Variants in AGAP3 observed in about 807,000 individuals in gnomAD.
The protein encoded by AGAP3 is ArfGAP with GTPase domain, ankyrin repeat and PH domain 3.
In AGAP3, 24 loss-of-function variants were observed where a neutral mutation model predicts 96.9. The observed-to-expected ratio is 0.25, with a 90% CI of 0.18 to 0.35. The LOEUF is 0.35. Among genes scored for constraint, AGAP3 ranks in the 10% least tolerant of loss-of-function variants. The pLI, the probability that AGAP3 is intolerant of heterozygous loss-of-function variation, is 1.00. For synonymous variants in AGAP3, 563 were observed against 536.1 expected (o/e 1.05, Z -0.69); for missense variants, 876 against 1,254.2 (o/e 0.70, Z 4.55).
intron 1 of AGAP3, among the ~76,000 whole-genome samples, chr7:151,094,908 T>C (rs1798539015): frequency 6.6e-6 from 1 of 151,664 alleles, no homozygotes; most frequent in African/African-American, 2.4e-5. Context: ...AGAATATTGG[T>C]CTGTCACCCA....
chr7:151,116,733 G>A, intron 1 of AGAP3, 60 bp from the exon 2 acceptor site: 2 of 1,594,998 alleles, frequency 1.3e-6, no homozygotes, highest in African/African-American at 1.3e-5. Context: ...ACAGGCAGCA[G>A]TGGTTGGGAC....
chr7:151,123,562 G>A (rs942551856), intron 8 of AGAP3: 13 of 1,352,232 alleles, frequency 9.6e-6, no homozygotes, highest in Non-Finnish European at 1.2e-5. Context: ...TTGCTCTTTT[G>A]TAAGGGGCGG....
chr7:151,087,640 C>T (rs1207467196), intron 1 of AGAP3, among the ~76,000 whole-genome samples: 2 of 152,296 alleles, frequency 1.3e-5, no homozygotes, highest in African/African-American at 4.8e-5. Context: ...GAGGCGCCGG[C>T]AGGTCCATCC....
intron 1 of AGAP3, among the ~76,000 whole-genome samples, chr7:151,093,348 T>C (rs1798473688): frequency 6.6e-6 from 1 of 152,188 alleles, no homozygotes; most frequent in South Asian, 2.1e-4. Flanking sequence ...GCTATGTTGT[T>C]TGGCCTGGTC....
intron 1 of AGAP3, among the ~76,000 whole-genome samples, chr7:151,094,850 T>A (rs1327607080): frequency 6.8e-6 from 1 of 147,362 alleles, no homozygotes; most frequent in Non-Finnish European, 1.5e-5. Flanking sequence ...TCCTTCCCTC[T>A]GTCCCTCCCT....
chr7:151,128,810 C>T, intron 10 of AGAP3, 126 bp downstream of exon 10: 1 of 811,664 alleles, frequency 1.2e-6, no homozygotes, highest in Non-Finnish European at 2.0e-6. Flanking sequence ...TCAAATGGCT[C>T]ATCCCTGGAG....
At chr7:151,095,538 AC>A (rs1252341273) in intron 1 of AGAP3, among the ~76,000 whole-genome samples, 5 of 151,806 alleles carry the variant, frequency 3.3e-5, no homozygotes, top group Admixed American at 1.3e-4. Context: ...CAGAGGGAGG[AC>A]CGAAAAGTCT....
chr7:151,099,682 G>A (rs922735798), intron 1 of AGAP3, among the ~76,000 whole-genome samples: 3 of 152,298 alleles, frequency 2.0e-5, no homozygotes, highest in East Asian at 1.9e-4. Context: ...GCCGCTGGCC[G>A]CTGTCAGTCA....
chr7:151,143,954 G>T lies in AGAP3; in HGVS notation c.*11G>T. The T allele has an allele frequency of 1.2e-6, 2 of 1,612,350 alleles. No individual in the cohort carries two copies. Among genetic ancestry groups the T allele is most frequent in the Non-Finnish European group, 1.7e-6 (2 of 1,178,742 alleles). On this transcript the variant is annotated 3_prime_UTR_variant, in exon 18 of 18. Transcript: ENST00000397238. The surrounding 1 kb of genome is among the most constrained non-coding windows in gnomAD (Gnocchi z 5.9). The stretch of plus-strand genomic sequence containing the variant: ...CCTAGCCTCCTATAAGGCCCAGGAA[G>T]AGGGCAGAGGGGCCAGAAGGACTCC...
Position 151,086,870 on chromosome 7 carries a change from C to T in AGAP3, c.129C>T (p.Ala43=), listed in dbSNP as rs777147483. 8.3e-7 allele frequency: 1 copy of T among 1,202,558 alleles called. No individual in the cohort carries two copies. Among genetic ancestry groups the T allele is most frequent in the South Asian group, 3.2e-5 (1 of 30,786 alleles). 74.5% of individuals were successfully genotyped at this position (1,202,558 alleles called of 1,614,324 possible). ...GGQFGGAGPG[A]GGGGGPSQQL... is the part of the protein sequence containing the mutation. ...AGTTCGGCGGCGCGGGGCCCGGGGC[C>T]GGGGGCGGCGGCGGCCCCTCGCAGC... The change falls in exon 1 of 18, where the codon GCC becomes GCT. Residue 43 remains alanine (A), a synonymous_variant. Transcript: ENST00000397238.
At position 151,120,550 on chromosome 7, in the gene AGAP3, C is replaced by T. The variant is rs1351234763; in HGVS notation, c.1128+405C>T. The T allele has an allele frequency of 7.0e-6, 8 of 1,145,504 alleles. No individual in the cohort carries two copies. In the Admixed American group the frequency reaches 1.1e-4, roughly 16 times the overall value. 71.0% of individuals were successfully genotyped at this position (1,145,504 alleles called of 1,614,324 possible). On this transcript the variant is annotated intron_variant, in intron 8 of 17. Coordinates refer to ENST00000397238, the MANE Select transcript of AGAP3 (RefSeq NM_031946.7). ...GAACCGGCGGCCGGAAGGCTGTTTGCCCAAGGCGACACAGAGGGTTAGCTG... is the reference window on the plus strand; with the variant it reads ...GAACCGGCGGCCGGAAGGCTGTTTGTCCAAGGCGACACAGAGGGTTAGCTG...
chr7:151,099,710 T>G (rs549396155), intron 1 of AGAP3, among the ~76,000 whole-genome samples: 1 of 152,348 alleles, frequency 6.6e-6, no homozygotes, highest in Admixed American at 6.5e-5. Context: ...GACCACCTGC[T>G]AGGGGCTTCC....
chr7:151,110,837 G>A (rs980837481), intron 1 of AGAP3, among the ~76,000 whole-genome samples: 3 of 152,202 alleles, frequency 2.0e-5, no homozygotes, highest in African/African-American at 7.2e-5. Context: ...GGTGTTACTA[G>A]CAGGCTTTTG....
In AGAP3 at chr7:151,132,876, C is replaced by T. The variant is rs190690328; in HGVS notation, c.1327-1524C>T. 1.0e-3 allele frequency among the ~76,000 whole-genome samples: 155 copies of T among 152,354 alleles called. 2 individuals are homozygous for T. The highest frequency in any genetic ancestry group is 3.5e-3 in the African/African-American group (144 of 41,586). On this transcript the variant is annotated intron_variant, in intron 10 of 17. Coordinates refer to ENST00000397238, the MANE Select transcript of AGAP3 (RefSeq NM_031946.7). ...GGTGAGACTTCCTGCCCTTCCACTG[C>T]TTCCCAAGAGGCAGCAGGCCCCCTG... is the stretch of plus-strand genomic sequence containing the variant.
At position 151,120,249 on chromosome 7, in the gene AGAP3, AG is replaced by A. The variant is rs1799813693; in HGVS notation, c.1128+105del. On this transcript the variant is annotated intron_variant, in intron 8 of 17. Transcript: ENST00000397238. ...GGGCGTGGGCAGCCCCAAGTCAGGA[AG>A]ACGGTACCTGCAGTCTCTCCCTCAG... 4.1e-6 allele frequency: 5 copies of A among 1,228,552 alleles called. No individual in the cohort carries two copies. In the East Asian group the frequency reaches 1.2e-4, roughly 30 times the overall value. The allele number at this position is 1,228,552 out of a possible 1,614,324, so 76.1% of individuals were successfully genotyped here.
At chr7:151,129,661 C>T (rs963422065) in intron 10 of AGAP3, among the ~76,000 whole-genome samples, 4 of 152,162 alleles carry the variant, frequency 2.6e-5, no homozygotes, top group African/African-American at 9.7e-5. Context: ...CACCCACATT[C>T]AGTGCAGCCA....
At chr7:151,089,857 CCACCTT>C (rs1798315129) in intron 1 of AGAP3, 1 of 152,200 alleles carries the variant, frequency 6.6e-6, no homozygotes, top group Admixed American at 6.5e-5. Flanking sequence ...AGCCTCTGAG[CCACCTT>C]CACCTCACTA....
At position 151,143,066 on chromosome 7, in the gene AGAP3, CCT is replaced by C. The variant is rs1423361067; in HGVS notation, c.2274-271_2274-270del. On this transcript the variant is annotated intron_variant, in intron 16 of 17. Coordinates refer to ENST00000397238, the MANE Select transcript of AGAP3 (RefSeq NM_031946.7). This position sits in a 1 kb window ranked among gnomAD's most constrained non-coding sequence, Gnocchi z 5.9. ...ACGGGCCTGCCTGGAATCTTCCTGC[CCT>C]CTCAGCCCCCGCATCCCCACTGTCC... Among the ~76,000 whole-genome samples the C allele has an allele frequency of 1.3e-5, 2 of 152,206 alleles. No homozygotes were observed. Among genetic ancestry groups the C allele is most frequent in the African/African-American group, 4.8e-5 (2 of 41,448 alleles).
chr7:151,134,019 T>G (rs1266948686), intron 10 of AGAP3, among the ~76,000 whole-genome samples: 2 of 152,168 alleles, frequency 1.3e-5, no homozygotes, highest in Admixed American at 1.3e-4. Context: ...CTGTCATCCA[T>G]GTCCCCGAGT....
Sources: allele counts gnomAD v4.1 joint callset (sites outside exome capture counted in the v4.1 genomes callset), GRCh38; gene constraint gnomAD v4.1.1; non-coding constraint Gnocchi (gnomAD v3.1); transcripts MANE v1.5; gene names NCBI Gene and HGNC (gene_info 2026-07-23, HGNC 2026-07-21).